RAB18: variants seen among roughly 807,000 people sequenced by gnomAD.
RAB18 encodes the protein ras-related protein Rab-18.
Under a neutral mutation model 28.5 loss-of-function variants are expected in RAB18, and 10 were observed. The ratio of observed to expected loss-of-function variants is 0.35; its 90% CI spans 0.22 to 0.60. The LOEUF is 0.60. Ranked by LOEUF, RAB18 falls within the 20% of genes least tolerant of loss-of-function variation. The pLI, the probability that RAB18 is intolerant of heterozygous loss-of-function variation, is 0.78. For synonymous variants in RAB18, 93 were observed against 86.9 expected, an observed-to-expected ratio of 1.07 and a Z score of -0.39; for missense variants, 188 against 244.2, an observed-to-expected ratio of 0.77 and a Z score of 1.53.
chr10:27,520,751 T>C (rs1834531933), intron 2 of RAB18, among the ~76,000 whole-genome samples: 1 of 151,740 alleles, frequency 6.6e-6, no homozygotes, highest in African/African-American at 2.4e-5. Flanking sequence ...ACCCCGTCTC[T>C]ACTAAAAATA....
At chr10:27,530,128 TG>T (rs1286082850) in intron 3 of RAB18, among the ~76,000 whole-genome samples, 2 of 152,006 alleles carry the variant, frequency 1.3e-5, no homozygotes, top group African/African-American at 4.8e-5. Context: ...CATGTTCACT[TG>T]TTTTTCTGCC....
intron 1 of RAB18, among the ~76,000 whole-genome samples, chr10:27,509,341 C>T (rs1031544673): frequency 2.6e-5 from 4 of 152,138 alleles, no homozygotes; most frequent in African/African-American, 9.7e-5. Flanking sequence ...GTCCTGTGAT[C>T]TTTCTTTTAA....
At chr10:27,510,252 T>C (rs1173714851) in intron 2 of RAB18, 4 of 359,526 alleles carry the variant, frequency 1.1e-5, no homozygotes, top group East Asian at 6.7e-5. Flanking sequence ...TGAATACTTA[T>C]TGTATGCCAG....
At chr10:27,537,583 T>C (rs1187137337) in intron 6 of RAB18, among the ~76,000 whole-genome samples, 3 of 152,256 alleles carry the variant, frequency 2.0e-5, no homozygotes, top group East Asian at 1.9e-4. Context: ...GAAAAAACTT[T>C]CGCTCGCTAT....
At chr10:27,509,448 G>C (rs962427195) in intron 1 of RAB18, among the ~76,000 whole-genome samples, 1 of 152,118 alleles carries the variant, frequency 6.6e-6, no homozygotes, top group Non-Finnish European at 1.5e-5. Context: ...TGAATTCAGA[G>C]TGGATTACAC....
intron 3 of RAB18, among the ~76,000 whole-genome samples, chr10:27,528,081 C>A (rs1215417883): frequency 6.6e-6 from 1 of 152,004 alleles, no homozygotes; most frequent in Non-Finnish European, 1.5e-5. Flanking sequence ...AAAGTGGGGG[C>A]CTGATTTCCA....
chr10:27,541,427 T>C lies in RAB18; in HGVS notation c.*3376T>C, dbSNP rs981382248. Reference sequence around the variant, plus strand: ...ACTACTGTGATGGGGCTTTACATTTTACTGTTTTGTTGCTAGCTTATTGTT... The same window carrying C: ...ACTACTGTGATGGGGCTTTACATTTCACTGTTTTGTTGCTAGCTTATTGTT... On this transcript the variant is annotated 3_prime_UTR_variant, in exon 7 of 7. Transcript: ENST00000356940. 1.3e-5 allele frequency: 6 copies of C among 453,828 alleles called. No individual in the cohort carries two copies. Among genetic ancestry groups the C allele is most frequent in the Non-Finnish European group, 2.6e-5 (6 of 226,784 alleles). The allele number at this position is 453,828 out of a possible 1,614,324, so 28.1% of individuals were successfully genotyped here. A position where few individuals can be genotyped will look rare whatever the true frequency, so the allele number is the denominator to read the frequency against.
chr10:27,530,526 A>C (rs1834766837), intron 3 of RAB18, among the ~76,000 whole-genome samples: 1 of 151,788 alleles, frequency 6.6e-6, no homozygotes, highest in South Asian at 2.1e-4. Flanking sequence ...ATACTGAATA[A>C]TTTGAATATT....
intron 4 of RAB18, 37 bp from the exon 5 acceptor site, chr10:27,533,698 T>C: frequency 6.2e-7 from 1 of 1,608,108 alleles, no homozygotes; most frequent in East Asian, 2.2e-5. Flanking sequence ...GCTTCTTTCT[T>C]TAATGCTTAT....
chr10:27,519,073 A>G (rs1167615622), intron 2 of RAB18, among the ~76,000 whole-genome samples: 1 of 152,084 alleles, frequency 6.6e-6, no homozygotes, highest in East Asian at 1.9e-4. Flanking sequence ...GATATGAAAC[A>G]TATGAAGAAC....
At chr10:27,510,041 G>T in intron 2 of RAB18, 111 bp downstream of exon 2, 1 of 817,552 alleles carries the variant, frequency 1.2e-6, no homozygotes, top group East Asian at 2.5e-5. Flanking sequence ...CTCCATGTCT[G>T]TTGAAATCTT....
At chr10:27,510,363 G>A (rs1834300987) in intron 2 of RAB18, 1 of 223,908 alleles carries the variant, frequency 4.5e-6, no homozygotes, top group African/African-American at 2.3e-5. Flanking sequence ...TTCAGCATTT[G>A]CTACAGTGTT....
chr10:27,507,798 G>A (rs1294599168), intron 1 of RAB18, among the ~76,000 whole-genome samples: 1 of 151,844 alleles, frequency 6.6e-6, no homozygotes, highest in Non-Finnish European at 1.5e-5. Flanking sequence ...AGCTACTCGG[G>A]AGGCTGAGAC....
intron 1 of RAB18, among the ~76,000 whole-genome samples, chr10:27,506,151 A>G (rs546874412): frequency 6.6e-6 from 1 of 152,276 alleles, no homozygotes; most frequent in Non-Finnish European, 1.5e-5. Context: ...AAGTTCAGGC[A>G]TATGAAATTA....
In RAB18 at chr10:27,521,268, G is replaced by A. The variant is rs553325172; in HGVS notation, c.125-5560G>A. Among the ~76,000 whole-genome samples the A allele has an allele frequency of 4.7e-5, 7 of 150,446 alleles. No individual in the cohort carries two copies. The South Asian group carries it at 1.4e-3, about 31-fold the overall frequency. On this transcript the variant is annotated intron_variant, in intron 2 of 6. Coordinates refer to ENST00000356940, the MANE Select transcript of RAB18 (RefSeq NM_021252.5). The stretch of plus-strand genomic sequence containing the variant: ...TGAAAAAAATTTGTTGTTATACGGA[G>A]TATTCTGTTGGCTCTAATTGGCCTT...
intron 1 of RAB18, among the ~76,000 whole-genome samples, chr10:27,508,251 A>G (rs182119213): frequency 1.2e-3 from 186 of 152,318 alleles, no homozygotes; most frequent in African/African-American, 4.1e-3. Context: ...GCTTCACACC[A>G]TGCCACCAAT....
chr10:27,508,881 T>C (rs1834265195), intron 1 of RAB18, among the ~76,000 whole-genome samples: 1 of 152,184 alleles, frequency 6.6e-6, no homozygotes, highest in South Asian at 2.1e-4. Context: ...GCTGTTTCTT[T>C]GATTTTATTC....
intron 2 of RAB18, among the ~76,000 whole-genome samples, chr10:27,519,725 T>C (rs1336601667): frequency 4.6e-5 from 7 of 152,254 alleles, no homozygotes; most frequent in Admixed American, 3.3e-4. Context: ...TAAGATTTAA[T>C]ATTGCTAAGA....
intron 1 of RAB18, among the ~76,000 whole-genome samples, chr10:27,507,154 C>G (rs1837862738): frequency 6.6e-6 from 1 of 152,186 alleles, no homozygotes; most frequent in African/African-American, 2.4e-5. Context: ...AAGTTTGTTT[C>G]TATTTCATTA....
Sources: gnomAD v4.1 joint callset for allele counts (sites outside exome capture counted in the v4.1 genomes callset) on GRCh38, gnomAD v4.1.1 for gene constraint, MANE v1.5 for transcripts, NCBI Gene and HGNC (gene_info 2026-07-23, HGNC 2026-07-21) for gene names.